The following CHD1L variants were observed in gnomAD, a reference collection of about 807,000 sequenced individuals.
CHD1L encodes chromodomain helicase DNA binding protein 1 like.
Under a neutral mutation model 115.9 loss-of-function variants are expected in CHD1L, and 118 were observed. The ratio of observed to expected loss-of-function variants is 1.02; its 90% CI spans 0.88 to 1.19. CHD1L has a LOEUF of 1.19. Among genes scored for constraint, CHD1L ranks in the 50% most tolerant of loss-of-function variants. CHD1L has a pLI of 0.00. For missense variants in CHD1L, 1,179 were observed against 1,065.3 expected (o/e 1.11, Z -1.49); for synonymous variants, 411 against 387.1 (o/e 1.06, Z -0.72).
At chr1:147,221,665 CA>C in the CHD1L span, among the ~76,000 whole-genome samples, 1 of 152,080 alleles carries the variant, frequency 6.6e-6, no homozygotes, top group Non-Finnish European at 1.5e-5. Flanking sequence ...ATGTGTATTC[CA>C]AAAGTTCAAC....
At chr1:147,290,980 C>T (rs587724863) in intron 19 of CHD1L, among the ~76,000 whole-genome samples, 2 of 152,274 alleles carry the variant, frequency 1.3e-5, no homozygotes, top group South Asian at 4.1e-4. Flanking sequence ...ACACAAGCAT[C>T]TCTATTTTGA....
At chr1:147,222,238 T>G in the CHD1L span, among the ~76,000 whole-genome samples, 1 of 152,098 alleles carries the variant, frequency 6.6e-6, no homozygotes, top group African/African-American at 2.4e-5. Flanking sequence ...GGCGTAGTAG[T>G]GCGTGTATAA....
the CHD1L span, among the ~76,000 whole-genome samples, chr1:147,230,787 T>G: frequency 6.6e-6 from 1 of 151,116 alleles, no homozygotes; most frequent in African/African-American, 2.4e-5. Context: ...ATTTTCTAGT[T>G]TATTTGTGTA....
At chr1:147,197,286 A>C in the CHD1L span, among the ~76,000 whole-genome samples, 2 of 152,004 alleles carry the variant, frequency 1.3e-5, no homozygotes, top group African/African-American at 4.8e-5. Context: ...TTGTAGGGAG[A>C]ATTGGGTACT....
the CHD1L span, chr1:147,201,287 T>G: frequency 1.5e-5 from 24 of 1,614,004 alleles, 1 homozygote; most frequent in East Asian, 4.7e-4. Flanking sequence ...TACAGGGATA[T>G]CTTGTTTTTG....
At chr1:147,204,249 T>C in the CHD1L span, 8 of 1,137,752 alleles carry the variant, frequency 7.0e-6, no homozygotes, top group South Asian at 4.9e-5. Flanking sequence ...GTACATCACC[T>C]TCTGTTTCCT....
chr1:147,182,612 A>G, the CHD1L span, among the ~76,000 whole-genome samples: 3 of 152,234 alleles, frequency 2.0e-5, no homozygotes, highest in African/African-American at 7.2e-5. Flanking sequence ...CTACAGGAGT[A>G]GTTTTATATT....
At chr1:147,199,522 A>G in the CHD1L span, among the ~76,000 whole-genome samples, 2 of 152,194 alleles carry the variant, frequency 1.3e-5, no homozygotes, top group East Asian at 3.8e-4. Flanking sequence ...ACCATAATGC[A>G]GACTCTTGCA....
At chr1:147,201,059 T>C in the CHD1L span, 1 of 877,226 alleles carries the variant, frequency 1.1e-6, no homozygotes, top group South Asian at 1.6e-5. Context: ...GTTGTAATCA[T>C]ACATGCTATC....
At chr1:147,221,114 C>CCT in the CHD1L span, among the ~76,000 whole-genome samples, 21,776 of 151,804 alleles carry the variant, frequency 0.14, 1,538 homozygotes, top group South Asian at 0.18. Context: ...ATACCTGGCC[C>CCT]CAAAACTATC....
the CHD1L span, chr1:147,204,073 ACC>A: frequency 6.1e-6 from 7 of 1,141,470 alleles, no homozygotes; most frequent in South Asian, 8.6e-5. Flanking sequence ...CAACATTTGC[ACC>A]AGTATCAGCA....
intron 1 of CHD1L, among the ~76,000 whole-genome samples, chr1:147,250,494 G>A (rs1188860212): frequency 1.3e-5 from 2 of 152,098 alleles, no homozygotes; most frequent in African/African-American, 4.8e-5. Flanking sequence ...ATCCTGCTGG[G>A]TGAGGGTGGG....
At chr1:147,233,573 C>T in the CHD1L span, among the ~76,000 whole-genome samples, 3 of 152,144 alleles carry the variant, frequency 2.0e-5, no homozygotes, top group Non-Finnish European at 4.4e-5. Flanking sequence ...CTCTGCCCGG[C>T]CACCACCCCG....
chr1:147,292,651 C>G lies in CHD1L; in HGVS notation c.2392-957C>G, dbSNP rs189360234. Among the ~76,000 whole-genome samples the G allele has an allele frequency of 2.3e-3, 355 of 152,304 alleles. 2 individuals are homozygous for G. Among genetic ancestry groups the G allele is most frequent in the Middle Eastern group, 0.01 (3 of 294 alleles). ...TGACATCTGCTCCTGCTGGGGGCTT[C>G]AGGAAGCTCACAGTCATGGTGGAAG... On this transcript the variant is annotated intron_variant, in intron 20 of 22. Transcript: ENST00000369258.
At chr1:147,295,277 A>G (rs147727972) in intron 22 of CHD1L, among the ~76,000 whole-genome samples, 154 bp from the exon 23 acceptor site, 9 of 152,358 alleles carry the variant, frequency 5.9e-5, no homozygotes, top group South Asian at 2.1e-4. Flanking sequence ...AACAGCAGCA[A>G]TAAGTACTAA....
the CHD1L span, among the ~76,000 whole-genome samples, chr1:147,202,782 A>G: frequency 1.3e-5 from 2 of 152,194 alleles, no homozygotes; most frequent in East Asian, 1.9e-4. Flanking sequence ...TCATGATTTC[A>G]TCTTTTTCTC....
At chr1:147,260,049 A>C in intron 6 of CHD1L, 131 bp downstream of exon 6, 1 of 646,052 alleles carries the variant, frequency 1.5e-6, no homozygotes, top group East Asian at 2.9e-5. Context: ...ATATGTCCCC[A>C]CACATGTACA....
chr1:147,190,105 A>G, the CHD1L span: 4 of 1,027,576 alleles, frequency 3.9e-6, no homozygotes, highest in Non-Finnish European at 6.0e-6. Context: ...GCAGTTAAAT[A>G]CAGTACAATA....
At chr1:147,237,054 C>T in the CHD1L span, among the ~76,000 whole-genome samples, 1 of 152,292 alleles carries the variant, frequency 6.6e-6, no homozygotes, top group East Asian at 1.9e-4. Flanking sequence ...CCCAGCACCC[C>T]CTTGGCCTCC....
Sources: gnomAD v4.1 joint callset for allele counts (sites outside exome capture counted in the v4.1 genomes callset) on GRCh38, gnomAD v4.1.1 for gene constraint, MANE v1.5 for transcripts, NCBI Gene and HGNC (gene_info 2026-07-23, HGNC 2026-07-21) for gene names.